Variants in ACSL3 observed in about 807,000 individuals in gnomAD.
ACSL3 encodes the protein fatty acid CoA ligase Acsl3.
ACSL3 carries 34 observed loss-of-function variants against 84.7 expected under a neutral mutation model. That is an observed-to-expected ratio of 0.40 (90% CI 0.31 to 0.53). The LOEUF is 0.53. ACSL3 is among the 20% of genes least tolerant of loss of function. The probability of loss-of-function intolerance (pLI) is 0.48; values close to 1 mark genes in which losing one functional copy is unlikely to be tolerated. For missense variants in ACSL3, 680 were observed against 873.1 expected, an observed-to-expected ratio of 0.78 and a Z score of 2.79; for synonymous variants, 315 against 299.4, an observed-to-expected ratio of 1.05 and a Z score of -0.54.
chr2:222,901,717 T>A (rs1696155329), intron 3 of ACSL3, among the ~76,000 whole-genome samples: 1 of 151,172 alleles, frequency 6.6e-6, no homozygotes, highest in East Asian at 1.9e-4. Flanking sequence ...GAGGCCAAGG[T>A]GGGCGGATCA....
rs1697126539 is a variant in ACSL3 at position 222,934,637 on chromosome 2, G to A, written c.1955G>A (p.Cys652Tyr). 1 of 1,609,770 alleles carries A rather than the reference G, an allele frequency of 6.2e-7. No homozygotes were observed. The highest frequency in any genetic ancestry group is 2.2e-5 in the East Asian group (1 of 44,758). Residue 652 changes from cysteine (C) to tyrosine (Y), a missense_variant, in exon 16 of 17, where the codon TGT (cysteine) becomes TAT (tyrosine). By Grantham distance (194) the Cys-to-Tyr change is radical. Transcript: ENST00000357430. ...KGTWEELCNS[C>Y]EMENEVLKVL... ...ACTTGGGAGGAGCTGTGTAACAGTT[G>A]TGAAATGGAAAATGAGGTACTTAAA...
At chr2:222,906,959 C>A (rs1305804295) in intron 3 of ACSL3, among the ~76,000 whole-genome samples, 9 of 152,162 alleles carry the variant, frequency 5.9e-5, no homozygotes, top group Admixed American at 5.9e-4. Flanking sequence ...CTTTTCCATT[C>A]TTTGTTCTAA....
chr2:222,881,599 C>G (rs1305599962), intron 1 of ACSL3, among the ~76,000 whole-genome samples: 1 of 152,216 alleles, frequency 6.6e-6, no homozygotes. Context: ...TTACTGCAAC[C>G]TCCGCTTCCC....
chr2:222,862,693 T>C (rs1695043584), intron 1 of ACSL3, among the ~76,000 whole-genome samples: 1 of 129,942 alleles, frequency 7.7e-6, no homozygotes, highest in African/African-American at 3.0e-5. Flanking sequence ...AGACTTTTCC[T>C]GGTTTCTCTT....
In ACSL3 at chr2:222,941,753, A is replaced by G. The variant is rs1697316133; in HGVS notation, c.*99A>G. On this transcript the variant is annotated 3_prime_UTR_variant, in exon 17 of 17. Coordinates refer to ENST00000357430, the MANE Select transcript of ACSL3 (RefSeq NM_004457.5). ...AGCTGCAAGGCAAACTCCATTCCTC[A>G]TATTAAACTATTACTTCTCATGACG... The G allele has an allele frequency of 1.5e-6, 2 of 1,292,074 alleles. No homozygotes were observed. The highest frequency in any genetic ancestry group is 2.1e-6 in the Non-Finnish European group (2 of 952,934). The allele number at this position is 1,292,074 out of a possible 1,614,324, so 80.0% of individuals were successfully genotyped here.
At chr2:222,937,126 G>A (rs1016913621) in intron 16 of ACSL3, among the ~76,000 whole-genome samples, 4 of 152,012 alleles carry the variant, frequency 2.6e-5, no homozygotes, top group African/African-American at 9.7e-5. Context: ...TAGTTTTCAG[G>A]GTACAAGTCT....
chr2:222,933,479 TG>T, intron 15 of ACSL3, 199 bp downstream of exon 15: 1 of 477,766 alleles, frequency 2.1e-6, no homozygotes, highest in South Asian at 3.1e-5. Flanking sequence ...TCTCTGTCCC[TG>T]TTTTCTGCTT....
intron 14 of ACSL3, 89 bp from the exon 15 acceptor site, chr2:222,933,077 T>G: frequency 1.4e-6 from 1 of 698,046 alleles, no homozygotes; most frequent in Non-Finnish European, 2.3e-6. Flanking sequence ...GCAAATTACT[T>G]AGAGAATGGC....
At chr2:222,939,053 T>A (rs1697241331) in intron 16 of ACSL3, among the ~76,000 whole-genome samples, 1 of 152,208 alleles carries the variant, frequency 6.6e-6, no homozygotes, top group Non-Finnish European at 1.5e-5. Context: ...CTCTTGTAAT[T>A]CATTGAGCAT....
intron 1 of ACSL3, among the ~76,000 whole-genome samples, chr2:222,881,573 A>G (rs1157270457): frequency 2.0e-5 from 3 of 152,082 alleles, no homozygotes; most frequent in Admixed American, 2.0e-4. Context: ...CTGGAGTGCA[A>G]TGGTGCGATC....
At chr2:222,898,924 A>G (rs1696064943) in intron 2 of ACSL3, among the ~76,000 whole-genome samples, 1 of 152,238 alleles carries the variant, frequency 6.6e-6, no homozygotes, top group African/African-American at 2.4e-5. Context: ...TAGTAGGCAA[A>G]TACATGGCAG....
At chr2:222,894,840 T>C in intron 2 of ACSL3, among the ~76,000 whole-genome samples, 1 of 152,128 alleles carries the variant, frequency 6.6e-6, no homozygotes, top group South Asian at 2.1e-4. Flanking sequence ...GTTCAATGGG[T>C]ATATATGTTT....
intron 1 of ACSL3, among the ~76,000 whole-genome samples, chr2:222,887,458 G>A (rs1695750887): frequency 6.6e-6 from 1 of 152,126 alleles, no homozygotes; most frequent in African/African-American, 2.4e-5. Context: ...GTGGTTGCTG[G>A]ATCATATATT....
chr2:222,940,761 G>A (rs993603659), intron 16 of ACSL3, among the ~76,000 whole-genome samples: 2 of 152,148 alleles, frequency 1.3e-5, no homozygotes, highest in South Asian at 2.1e-4. Context: ...CTATACCATC[G>A]ACATTCGTGT....
chr2:222,920,818 T>A, intron 7 of ACSL3: 1 of 357,052 alleles, frequency 2.8e-6, no homozygotes, highest in East Asian at 7.4e-5. Flanking sequence ...TCTTGCTCAC[T>A]CTGTTCCAGC....
chr2:222,863,655 G>A (rs1468576549), intron 1 of ACSL3, among the ~76,000 whole-genome samples: 1 of 152,060 alleles, frequency 6.6e-6, no homozygotes, highest in Non-Finnish European at 1.5e-5. Context: ...TTAAAACAAC[G>A]AGCATCATAA....
chr2:222,872,167 C>T (rs571785006), intron 1 of ACSL3, among the ~76,000 whole-genome samples: 9 of 152,308 alleles, frequency 5.9e-5, no homozygotes, highest in Admixed American at 5.2e-4. Flanking sequence ...TCTTGTTGCT[C>T]AGGCTGGAGT....
chr2:222,921,494 G>C, intron 8 of ACSL3, 64 bp downstream of exon 8: 1 of 1,440,742 alleles, frequency 6.9e-7, no homozygotes, highest in South Asian at 1.6e-5. Context: ...GTTAGCATTT[G>C]TGTCATTTTA....
chr2:222,900,430 C>T (rs1439287772), intron 2 of ACSL3, among the ~76,000 whole-genome samples: 2 of 152,246 alleles, frequency 1.3e-5, no homozygotes, highest in African/African-American at 4.8e-5. Flanking sequence ...CTTTATGGCT[C>T]CAAAATGTGT....
Sources: allele counts gnomAD v4.1 joint callset (sites outside exome capture counted in the v4.1 genomes callset), GRCh38; gene constraint gnomAD v4.1.1; transcripts MANE v1.5; gene names NCBI Gene and HGNC (gene_info 2026-07-23, HGNC 2026-07-21).